SPANXN1: variants seen among roughly 807,000 people sequenced by gnomAD.
The protein encoded by SPANXN1 is sperm protein associated with the nucleus on the X chromosome N1.
A neutral mutation model predicts 2.0 loss-of-function variants in SPANXN1; 1 was observed. The ratio of observed to expected loss-of-function variants is 0.50; its 90% CI spans 0.18 to 2.36. The LOEUF is 2.36. Ranked by LOEUF, SPANXN1 falls within the 30% of genes most tolerant of loss-of-function variation. The pLI is 0.26. For missense variants in SPANXN1, 55 were observed against 51.8 expected (o/e 1.06, Z -0.19); for synonymous variants, 27 against 21.3 (o/e 1.27, Z -0.74).
intron 1 of SPANXN1, among the ~76,000 whole-genome samples, chrX:145,253,012 A>G (rs2070792344): frequency 9.0e-6 from 1 of 111,514 alleles, no homozygotes; most frequent in African/African-American, 3.3e-5. Context: ...CTAGAGACTG[A>G]CAGAATTACC....
chrX:145,252,069 G>T (rs1273502582), intron 1 of SPANXN1, among the ~76,000 whole-genome samples: 1 of 111,656 alleles, frequency 9.0e-6, no homozygotes, highest in East Asian at 2.8e-4. Context: ...CTACAGAGAA[G>T]GAGGTCATTG....
At chrX:145,248,601 T>C (rs1177739053) in intron 1 of SPANXN1, among the ~76,000 whole-genome samples, 2 of 111,868 alleles carry the variant, frequency 1.8e-5, no homozygotes, top group Admixed American at 1.9e-4. Context: ...AGTTGTAGAT[T>C]ATGGCGGTTA....
intron 1 of SPANXN1, among the ~76,000 whole-genome samples, chrX:145,250,719 G>A (rs1556882414): frequency 9.0e-6 from 1 of 111,348 alleles, no homozygotes; most frequent in African/African-American, 3.3e-5. Context: ...CAATAACGAT[G>A]GGGTTTTAAG....
Position 145,247,609 on chromosome X carries a change from T to C in SPANXN1, c.23T>C (p.Ile8Thr), listed in dbSNP as rs1196222411. The change falls in exon 1 of 2, where the codon ATC becomes ACC. Residue 8 changes from isoleucine to threonine, a missense_variant. By Grantham distance (89) the Ile-to-Thr change is moderately conservative. Transcript: ENST00000370493. The stretch of plus-strand genomic sequence containing the variant: ...ATCATGGAACAGCCCACTTCAAGCA[T>C]CAATGGGGAGAAGAGGAAGAGCCCC... MEQPTSSINGEKRKSPCE... is the reference protein window; with the variant it reads MEQPTSSTNGEKRKSPCE... 17 of 1,208,531 alleles carry C rather than the reference T, an allele frequency of 1.4e-5. No individual in the cohort carries two copies. The highest frequency in any genetic ancestry group is 3.5e-5 in the South Asian group (2 of 56,754).
chrX:145,247,670 G>T lies in SPANXN1; in HGVS notation c.75+9G>T. Reference sequence around the variant, plus strand: ...ACAATGAAAATGATGAGGTAAGATTGTTAGGTTTTGAAGGGAAGGTGAGGG... The same window carrying T: ...ACAATGAAAATGATGAGGTAAGATTTTTAGGTTTTGAAGGGAAGGTGAGGG... On this transcript the variant is annotated intron_variant, in intron 1 of 1. Coordinates refer to ENST00000370493, the MANE Select transcript of SPANXN1 (RefSeq NM_001009614.3). 1 of 1,203,145 alleles carries T rather than the reference G, an allele frequency of 8.3e-7. No homozygotes were observed. Among genetic ancestry groups the T allele is most frequent in the Non-Finnish European group, 1.1e-6 (1 of 887,993 alleles).
At chrX:145,255,253 T>C (rs1469877236) in intron 1 of SPANXN1, among the ~76,000 whole-genome samples, 1 of 111,683 alleles carries the variant, frequency 9.0e-6, no homozygotes, top group Non-Finnish European at 1.9e-5. Context: ...GATGTTCTTA[T>C]GATCAGGTGG....
At chrX:145,255,191 G>A (rs781820031) in intron 1 of SPANXN1, among the ~76,000 whole-genome samples, 59 of 111,927 alleles carry the variant, frequency 5.3e-4, no homozygotes, top group African/African-American at 1.8e-3. Flanking sequence ...TTACAGGTAT[G>A]GGTGGGAGGG....
rs782221829 is a variant in SPANXN1 at position 145,248,458 on chromosome X, C to T, written c.75+797C>T. Among the ~76,000 whole-genome samples, 567 of 111,701 alleles carry T rather than the reference C, an allele frequency of 5.1e-3. 6 individuals carry two copies. Among genetic ancestry groups the T allele is most frequent in the African/African-American group, 0.016 (504 of 30,676 alleles). ...CCCAGTGCTGAGTGCATCAGAGATG[C>T]TTAGTTCTGCTAACACTAGAATGAG... is the stretch of plus-strand genomic sequence containing the variant. On this transcript the variant is annotated intron_variant, in intron 1 of 1. Coordinates refer to ENST00000370493, the MANE Select transcript of SPANXN1 (RefSeq NM_001009614.3).
intron 1 of SPANXN1, among the ~76,000 whole-genome samples, chrX:145,249,653 TG>T (rs112290576): frequency 0.058 from 6,401 of 110,639 alleles, 496 homozygotes; most frequent in African/African-American, 0.2. Flanking sequence ...TAGTTTGAAA[TG>T]GTGCATTCAG....
intron 1 of SPANXN1, among the ~76,000 whole-genome samples, chrX:145,254,382 A>C (rs1260135095): frequency 9.0e-6 from 1 of 111,706 alleles, no homozygotes; most frequent in Non-Finnish European, 1.9e-5. Flanking sequence ...GGAAGAGGGG[A>C]GTGAATACTC....
chrX:145,255,627 A>C, intron 1 of SPANXN1, 44 bp from the exon 2 acceptor site: 1 of 1,209,497 alleles, frequency 8.3e-7, no homozygotes, highest in South Asian at 1.8e-5. Flanking sequence ...TATCCTATTC[A>C]CCCAAAATAA....
chrX:145,253,605 A>T (rs2070795054), intron 1 of SPANXN1, among the ~76,000 whole-genome samples: 1 of 111,071 alleles, frequency 9.0e-6, no homozygotes, highest in Non-Finnish European at 1.9e-5. Context: ...AGAAGGCATG[A>T]TATGATATGG....
At chrX:145,250,626 T>C (rs782563000) in intron 1 of SPANXN1, among the ~76,000 whole-genome samples, 64 of 112,118 alleles carry the variant, frequency 5.7e-4, no homozygotes, top group African/African-American at 2.0e-3. Context: ...GGTGGAACCA[T>C]TTTTTCCTGA....
At position 145,255,930 on chromosome X, in the gene SPANXN1, G is replaced by T; in HGVS notation, c.*116G>T. On this transcript the variant is annotated 3_prime_UTR_variant, in exon 2 of 2. Transcript: ENST00000370493. The stretch of plus-strand genomic sequence containing the variant: ...CCTGAAGGCCTAGACTCAGCTGAAG[G>T]ATCTTCAAAGCAGGATGAAGACCTA... 8.6e-7 allele frequency: 1 copy of T among 1,166,290 alleles called. No individual in the cohort carries two copies. Among genetic ancestry groups the T allele is most frequent in the Non-Finnish European group, 1.2e-6 (1 of 855,763 alleles).
chrX:145,247,640 A>C lies in SPANXN1; in HGVS notation c.54A>C (p.Glu18Asp). 8.3e-7 allele frequency: 1 copy of C among 1,209,100 alleles called. No homozygotes were observed. The highest frequency in any genetic ancestry group is 3.0e-5 in the East Asian group (1 of 33,722). The change falls in exon 1 of 2, where the codon GAA (glutamate) becomes GAC (aspartate). Residue 18 changes from glutamate to aspartate, a missense_variant. By Grantham distance (45) the Glu-to-Asp change is conservative (BLOSUM62 2). Transcript: ENST00000370493. Reference sequence around the variant, plus strand: ...GGGAGAAGAGGAAGAGCCCCTGTGAATCCAACAATGAAAATGATGAGGTAA... The same window carrying C: ...GGGAGAAGAGGAAGAGCCCCTGTGACTCCAACAATGAAAATGATGAGGTAA... ...INGEKRKSPC[E>D]SNNENDEMQE...
At chrX:145,249,227 T>G (rs1293633902) in intron 1 of SPANXN1, among the ~76,000 whole-genome samples, 2 of 106,761 alleles carry the variant, frequency 1.9e-5, no homozygotes, top group South Asian at 4.2e-4. Flanking sequence ...CAGTTGGAAG[T>G]AAAAGGGGAG....
At chrX:145,252,774 A>G in intron 1 of SPANXN1, among the ~76,000 whole-genome samples, 1 of 110,332 alleles carries the variant, frequency 9.1e-6, no homozygotes, top group South Asian at 4.0e-4. Context: ...GATTTACTTA[A>G]TATGTCCCAC....
intron 1 of SPANXN1, among the ~76,000 whole-genome samples, chrX:145,253,124 A>G (rs550544955): frequency 9.0e-6 from 1 of 111,137 alleles, no homozygotes; most frequent in Admixed American, 9.6e-5. Flanking sequence ...CACTGAGCAC[A>G]GTCTGACTTC....
chrX:145,249,128 G>A (rs1231356506), intron 1 of SPANXN1, among the ~76,000 whole-genome samples: 4 of 111,140 alleles, frequency 3.6e-5, no homozygotes, highest in African/African-American at 1.3e-4. Flanking sequence ...AAGTAGGTGA[G>A]ATGCAGGTTT....
Sources: gnomAD v4.1 joint callset for allele counts (sites outside exome capture counted in the v4.1 genomes callset) on GRCh38, gnomAD v4.1.1 for gene constraint, MANE v1.5 for transcripts, NCBI Gene and HGNC (gene_info 2026-07-23, HGNC 2026-07-21) for gene names.